Variants in NGLY1 observed in about 807,000 individuals in gnomAD.
NGLY1 encodes peptide-N(4)-(N-acetyl-beta-glucosaminyl)asparagine amidase.
Under a neutral mutation model 84.6 loss-of-function variants are expected in NGLY1, and 68 were observed. That is an observed-to-expected ratio of 0.80 (90% confidence interval 0.66 to 0.98). The LOEUF is 0.98. Among genes scored for constraint, NGLY1 ranks in the 50% least tolerant of loss-of-function variants. NGLY1 has a pLI of 0.00. For missense variants in NGLY1, 779 were observed against 770.2 expected, an observed-to-expected ratio of 1.01 and a Z score of -0.14; for synonymous variants, 280 against 275.2, an observed-to-expected ratio of 1.02 and a Z score of -0.17.
At chr3:25,755,115 C>T in intron 3 of NGLY1, 1 of 1,436,466 alleles carries the variant, frequency 7.0e-7, no homozygotes, top group Non-Finnish European at 9.8e-7. Flanking sequence ...GCTAAGAAAC[C>T]TAATGTTGAT....
intron 4 of NGLY1, among the ~76,000 whole-genome samples, chr3:25,743,571 AGT>A (rs3080320): frequency 2.0e-5 from 3 of 151,260 alleles, no homozygotes; most frequent in Non-Finnish European, 4.4e-5. Context: ...ACTTTTCACT[AGT>A]GTGTGTGTGT....
At chr3:25,775,748 G>C (rs1424625053) in intron 2 of NGLY1, among the ~76,000 whole-genome samples, 1 of 152,182 alleles carries the variant, frequency 6.6e-6, no homozygotes, top group Non-Finnish European at 1.5e-5. Flanking sequence ...CAAAATTACA[G>C]TTAAATAGGA....
At chr3:25,737,215 A>T in intron 6 of NGLY1, 119 bp downstream of exon 6, 1 of 768,928 alleles carries the variant, frequency 1.3e-6, no homozygotes, top group Non-Finnish European at 2.0e-6. Context: ...TACACAAGGC[A>T]AATGGAAGGT....
At chr3:25,743,735 T>C (rs1284918115) in intron 4 of NGLY1, among the ~76,000 whole-genome samples, 1 of 152,140 alleles carries the variant, frequency 6.6e-6, no homozygotes, top group Non-Finnish European at 1.5e-5. Flanking sequence ...AGAATTGTAA[T>C]TGTTCACCAA....
intron 10 of NGLY1, among the ~76,000 whole-genome samples, chr3:25,721,243 A>T (rs970504385): frequency 1.3e-5 from 2 of 152,056 alleles, no homozygotes; most frequent in Non-Finnish European, 2.9e-5. Context: ...ATTTAAAAAA[A>T]TTTTTTAGAG....
chr3:25,764,342 AC>A (rs1171206082), intron 2 of NGLY1, 31 bp from the exon 3 acceptor site: 1 of 1,598,034 alleles, frequency 6.3e-7, no homozygotes, highest in Non-Finnish European at 8.5e-7. Flanking sequence ...AAAAATGTGA[AC>A]CTTTGCTTTA....
intron 2 of NGLY1, among the ~76,000 whole-genome samples, chr3:25,770,947 G>C (rs1304698707): frequency 2.0e-5 from 3 of 152,090 alleles, no homozygotes; most frequent in Non-Finnish European, 1.5e-5. Flanking sequence ...CTAGATATCA[G>C]TCCTTTGTCG....
At chr3:25,752,643 T>TA (rs745704602) in intron 3 of NGLY1, among the ~76,000 whole-genome samples, 1,704 of 135,732 alleles carry the variant, frequency 0.013, 21 homozygotes, top group African/African-American at 0.039. Context: ...TCCTATCTCT[T>TA]AAAAAAAAAA....
At chr3:25,770,385 G>A (rs1006133661) in intron 2 of NGLY1, among the ~76,000 whole-genome samples, 9 of 152,068 alleles carry the variant, frequency 5.9e-5, no homozygotes, top group African/African-American at 2.2e-4. Flanking sequence ...CTGACCTCGG[G>A]TGATCCACCC....
At chr3:25,778,345 A>G (rs1708248081) in intron 2 of NGLY1, 1 of 348,882 alleles carries the variant, frequency 2.9e-6, no homozygotes, top group African/African-American at 2.1e-5. Flanking sequence ...TATTTTAAAG[A>G]ACTGAGACTC....
At chr3:25,763,397 A>G (rs17016989) in intron 3 of NGLY1, among the ~76,000 whole-genome samples, 5,754 of 152,322 alleles carry the variant, frequency 0.038, 367 homozygotes, top group African/African-American at 0.13. Flanking sequence ...AAAAACCAAG[A>G]AAGATGTTAA....
chr3:25,760,834 T>G, intron 3 of NGLY1, among the ~76,000 whole-genome samples: 1 of 77,970 alleles, frequency 1.3e-5, no homozygotes, highest in Admixed American at 2.0e-4. Context: ...CACTCCAGCC[T>G]GGGCAACAAG....
intron 10 of NGLY1, among the ~76,000 whole-genome samples, chr3:25,721,801 A>G (rs1705009662): frequency 2.7e-5 from 4 of 150,570 alleles, no homozygotes. Flanking sequence ...CCACAATTTC[A>G]TCCCACCTTG....
chr3:25,786,849 G>A (rs1041377916), upstream of NGLY1, among the ~76,000 whole-genome samples: 1 of 152,178 alleles, frequency 6.6e-6, no homozygotes, highest in Non-Finnish European at 1.5e-5. Flanking sequence ...CACAAAAAGT[G>A]CATGTGTACT....
At chr3:25,764,516 A>C (rs1459572219) in intron 2 of NGLY1, among the ~76,000 whole-genome samples, 1 of 152,204 alleles carries the variant, frequency 6.6e-6, no homozygotes, top group Admixed American at 6.5e-5. Flanking sequence ...TTAAAAAAAA[A>C]ATTATCTCCT....
upstream of NGLY1, among the ~76,000 whole-genome samples, chr3:25,787,960 T>C (rs535516460): frequency 6.9e-4 from 105 of 152,346 alleles, 1 homozygote; most frequent in Non-Finnish European, 1.2e-3. Flanking sequence ...AAGATGCAGT[T>C]CAAGGATCAT....
intron 3 of NGLY1, among the ~76,000 whole-genome samples, chr3:25,758,785 G>A (rs977914645): frequency 2.6e-5 from 4 of 152,066 alleles, no homozygotes; most frequent in African/African-American, 9.7e-5. Flanking sequence ...CACTAGAAAC[G>A]TATATAAGAA....
At chr3:25,722,916 A>C (rs1705079718) in intron 10 of NGLY1, among the ~76,000 whole-genome samples, 1 of 152,224 alleles carries the variant, frequency 6.6e-6, no homozygotes, top group African/African-American at 2.4e-5. Flanking sequence ...AAGAAGAGCC[A>C]AACAGAGAGG....
chr3:25,759,016 C>T (rs1464289738), intron 3 of NGLY1, among the ~76,000 whole-genome samples: 1 of 152,162 alleles, frequency 6.6e-6, no homozygotes, highest in Non-Finnish European at 1.5e-5. Flanking sequence ...CGTGTGATTC[C>T]AGTGGAACAA....
Sources: gnomAD v4.1 joint callset for allele counts (sites outside exome capture counted in the v4.1 genomes callset) on GRCh38, gnomAD v4.1.1 for gene constraint, MANE v1.5 for transcripts, NCBI Gene and HGNC (gene_info 2026-07-23, HGNC 2026-07-21) for gene names.